GPHN: variants seen among roughly 807,000 people sequenced by gnomAD.
GPHN encodes gephyrin.
GPHN carries 17 observed loss-of-function variants against 95.5 expected under a neutral mutation model. The observed-to-expected ratio is 0.18, with a 90% CI of 0.12 to 0.27. The LOEUF (loss-of-function observed/expected upper bound fraction) is 0.27. Ranked by LOEUF, GPHN falls within the 10% of genes least tolerant of loss-of-function variation. GPHN has a pLI of 1.00. For missense variants in GPHN, 660 were observed against 978.1 expected, an observed-to-expected ratio of 0.67 and a Z score of 4.34; for synonymous variants, 320 against 322.5, an observed-to-expected ratio of 0.99 and a Z score of 0.08.
At chr14:66,859,131 A>G (rs1474730282) in intron 4 of GPHN, among the ~76,000 whole-genome samples, 39 of 152,280 alleles carry the variant, frequency 2.6e-4, no homozygotes. Flanking sequence ...ACATCTGTTA[A>G]TCGTACAGCC....
intron 1 of GPHN, among the ~76,000 whole-genome samples, chr14:66,679,098 C>T (rs920175401): frequency 6.6e-6 from 1 of 152,184 alleles, no homozygotes; most frequent in African/African-American, 2.4e-5. Context: ...GCCCTCAGGC[C>T]CGAAGTCTCC....
intron 2 of GPHN, among the ~76,000 whole-genome samples, chr14:66,716,301 G>A (rs1377079034): frequency 3.9e-5 from 6 of 151,986 alleles, no homozygotes; most frequent in African/African-American, 1.2e-4. Context: ...AGTTTGTTTT[G>A]TCTGATACAA....
chr14:66,894,891 C>A (rs140262571), intron 5 of GPHN, among the ~76,000 whole-genome samples: 1,833 of 152,312 alleles, frequency 0.012, 19 homozygotes, highest in Non-Finnish European at 0.018. Context: ...GAAATAGGAA[C>A]ACTTTTACAC....
chr14:66,687,158 A>G (rs1452749423), intron 2 of GPHN, among the ~76,000 whole-genome samples: 1 of 152,124 alleles, frequency 6.6e-6, no homozygotes, highest in Non-Finnish European at 1.5e-5. Context: ...ACACAATAAT[A>G]ATGGGAGACT....
the GPHN span, among the ~76,000 whole-genome samples, chr14:67,540,647 A>G: frequency 6.6e-6 from 1 of 151,654 alleles, no homozygotes; most frequent in Admixed American, 6.6e-5. Context: ...AAAAATTATC[A>G]CCCTAAAAAA....
chr14:67,698,495 C>T, the GPHN span, among the ~76,000 whole-genome samples: 1 of 152,162 alleles, frequency 6.6e-6, no homozygotes, highest in East Asian at 1.9e-4. Flanking sequence ...GGAACCCTAA[C>T]ATTATGAAAT....
the GPHN span, among the ~76,000 whole-genome samples, chr14:67,603,005 G>A: frequency 2.6e-5 from 4 of 152,238 alleles, no homozygotes; most frequent in South Asian, 4.2e-4. Flanking sequence ...CTTCCAGAGG[G>A]TCTACAATAC....
At chr14:66,666,728 G>A (rs903620327) in intron 1 of GPHN, among the ~76,000 whole-genome samples, 9 of 152,140 alleles carry the variant, frequency 5.9e-5, no homozygotes, top group Non-Finnish European at 7.3e-5. Flanking sequence ...ACCGGCACAA[G>A]ACAAGGACGC....
intron 3 of GPHN, among the ~76,000 whole-genome samples, chr14:66,804,329 C>G (rs978891136): frequency 6.6e-6 from 1 of 152,180 alleles, no homozygotes; most frequent in African/African-American, 2.4e-5. Context: ...AATATAGCCT[C>G]AAAAACTAGC....
chr14:67,158,045 G>C (rs990474618), intron 18 of GPHN, among the ~76,000 whole-genome samples: 1 of 151,686 alleles, frequency 6.6e-6, no homozygotes, highest in Admixed American at 6.6e-5. Flanking sequence ...AGTGGTTCAC[G>C]CCTGTAATCC....
the GPHN span, chr14:67,692,350 T>C: frequency 7.0e-7 from 1 of 1,432,882 alleles, no homozygotes; most frequent in Admixed American, 2.0e-5. Context: ...CCACCACTTC[T>C]ATGAGGAAGA....
chr14:66,536,963 G>T (rs1223748637), intron 1 of GPHN, among the ~76,000 whole-genome samples: 3 of 152,096 alleles, frequency 2.0e-5, no homozygotes, highest in African/African-American at 7.2e-5. Flanking sequence ...TTATTTTACG[G>T]TTGAAATGAC....
intron 1 of GPHN, among the ~76,000 whole-genome samples, chr14:66,649,252 T>C (rs949396710): frequency 6.6e-6 from 1 of 151,850 alleles, no homozygotes; most frequent in African/African-American, 2.4e-5. Flanking sequence ...GAGAATCGCT[T>C]GAACCTGGGA....
At chr14:67,727,274 A>T in the GPHN span, 1 of 976,862 alleles carries the variant, frequency 1.0e-6, no homozygotes, top group Non-Finnish European at 1.6e-6. Context: ...CAGGCTGTCA[A>T]ACATGCACGT....
At chr14:66,849,159 G>A (rs1299248422) in intron 4 of GPHN, among the ~76,000 whole-genome samples, 1 of 151,802 alleles carries the variant, frequency 6.6e-6, no homozygotes, top group Non-Finnish European at 1.5e-5. Flanking sequence ...ATTTGAACTA[G>A]GTAGTCTTTA....
rs116561925 is a variant in GPHN at position 66,964,356 on chromosome 14, A to G, written c.829-835A>G. Among the ~76,000 whole-genome samples, 842 of 152,314 alleles carry G rather than the reference A, an allele frequency of 5.5e-3. 3 individuals carry two copies. Among genetic ancestry groups the G allele is most frequent in the African/African-American group, 0.019 (803 of 41,576 alleles). ...CTATTGTTGTCCTCAATTTTCAGATAAAGGAAGTAGCAATTCAAAAGGTAT... is the reference window on the plus strand; with the variant it reads ...CTATTGTTGTCCTCAATTTTCAGATGAAGGAAGTAGCAATTCAAAAGGTAT... On this transcript the variant is annotated intron_variant, in intron 8 of 22. Coordinates refer to ENST00000478722, the MANE Select transcript of GPHN (RefSeq NM_020806.5).
chr14:67,163,499 C>A (rs1336965988), intron 19 of GPHN, among the ~76,000 whole-genome samples: 1 of 151,534 alleles, frequency 6.6e-6, no homozygotes, highest in Non-Finnish European at 1.5e-5. Context: ...AAAACAGAAA[C>A]AAGAACTATA....
At chr14:67,674,494 C>T in the GPHN span, 2 of 1,598,174 alleles carry the variant, frequency 1.3e-6, no homozygotes, top group South Asian at 1.1e-5. Flanking sequence ...GGCCATGGCG[C>T]AGGCCGCGCT....
chr14:67,112,919 G>T, intron 15 of GPHN, 99 bp from the exon 16 acceptor site: 4 of 1,016,074 alleles, frequency 3.9e-6, no homozygotes, highest in African/African-American at 1.6e-5. Context: ...AGACTTTTTT[G>T]TCTTCTTGAA....
Sources: gnomAD v4.1 joint callset for allele counts (sites outside exome capture counted in the v4.1 genomes callset) on GRCh38, gnomAD v4.1.1 for gene constraint, MANE v1.5 for transcripts, NCBI Gene and HGNC (gene_info 2026-07-23, HGNC 2026-07-21) for gene names.